CSMD1: variants seen among roughly 807,000 people sequenced by gnomAD.
CSMD1 encodes the protein CUB and Sushi multiple domains 1.
CSMD1 carries 213 observed loss-of-function variants against 417.5 expected under a neutral mutation model. The observed-to-expected ratio is 0.51, with a 90% CI of 0.46 to 0.57. CSMD1 has a LOEUF of 0.57. Ranked by LOEUF, CSMD1 falls within the 20% of genes least tolerant of loss-of-function variation. CSMD1 has a pLI of 0.00. For missense variants in CSMD1, 6,923 were observed against 4,529.7 expected (o/e 1.53, Z -15.17); for synonymous variants, 2,862 against 1,736.8 (o/e 1.65, Z -16.11).
intron 31 of CSMD1, among the ~76,000 whole-genome samples, chr8:3,202,823 A>T (rs375788370): frequency 2.6e-5 from 4 of 152,222 alleles, no homozygotes; most frequent in African/African-American, 7.2e-5. Context: ...CACATATCTA[A>T]TATAACTTGT....
At chr8:4,716,361 G>C (rs1808659627) in intron 1 of CSMD1, among the ~76,000 whole-genome samples, 1 of 152,186 alleles carries the variant, frequency 6.6e-6, no homozygotes, top group Non-Finnish European at 1.5e-5. Context: ...ATGACATCAA[G>C]TGACTGATCA....
chr8:4,635,215 T>A (rs1272710888), intron 2 of CSMD1, among the ~76,000 whole-genome samples: 2 of 152,158 alleles, frequency 1.3e-5, no homozygotes, highest in East Asian at 3.9e-4. Flanking sequence ...GAAAAAAACA[T>A]TCTGTTGTAC....
intron 6 of CSMD1, among the ~76,000 whole-genome samples, chr8:3,728,416 G>A (rs759907012): frequency 6.6e-6 from 1 of 152,188 alleles, no homozygotes; most frequent in African/African-American, 2.4e-5. Context: ...CATGAAAACA[G>A]ACTAATACAA....
chr8:3,539,762 A>AT (rs1491278036), intron 10 of CSMD1, among the ~76,000 whole-genome samples: 2 of 110,304 alleles, frequency 1.8e-5, no homozygotes, highest in African/African-American at 7.4e-5. Context: ...TTTCTTTATG[A>AT]TAAAAAAAAA....
At chr8:3,040,967 C>G (rs1440715613) in intron 50 of CSMD1, among the ~76,000 whole-genome samples, 1 of 151,866 alleles carries the variant, frequency 6.6e-6, no homozygotes, top group Non-Finnish European at 1.5e-5. Context: ...TACAGAAGTT[C>G]CAGTGTCATA....
At chr8:4,305,027 C>T (rs1457387284) in intron 3 of CSMD1, among the ~76,000 whole-genome samples, 3 of 152,154 alleles carry the variant, frequency 2.0e-5, no homozygotes, top group Non-Finnish European at 4.4e-5. Context: ...ACACAGTTCC[C>T]CACGTTAGAG....
At chr8:4,381,284 A>T (rs1378370423) in intron 3 of CSMD1, among the ~76,000 whole-genome samples, 3 of 152,156 alleles carry the variant, frequency 2.0e-5, no homozygotes, top group Non-Finnish European at 4.4e-5. Flanking sequence ...AGCCTTCCAG[A>T]GGTTGGGGAA....
chr8:3,640,002 G>T (rs1022725693), intron 7 of CSMD1, among the ~76,000 whole-genome samples: 4 of 152,156 alleles, frequency 2.6e-5, no homozygotes, highest in Non-Finnish European at 5.9e-5. Context: ...GGATATAGTA[G>T]GTGCTCAATA....
intron 3 of CSMD1, among the ~76,000 whole-genome samples, chr8:4,194,904 T>C (rs1175145489): frequency 6.6e-6 from 1 of 152,106 alleles, no homozygotes; most frequent in African/African-American, 2.4e-5. Flanking sequence ...CTGTTAGTTC[T>C]AATTTAATGG....
intron 3 of CSMD1, among the ~76,000 whole-genome samples, chr8:4,189,492 G>A (rs185689571): frequency 1.3e-5 from 2 of 152,154 alleles, no homozygotes; most frequent in African/African-American, 2.4e-5. Flanking sequence ...GCTAGACAGA[G>A]AGCTATTAAT....
At chr8:4,027,204 G>A (rs890806154) in intron 4 of CSMD1, among the ~76,000 whole-genome samples, 17 of 152,176 alleles carry the variant, frequency 1.1e-4, no homozygotes, top group African/African-American at 3.9e-4. Context: ...AAGCCCTGTT[G>A]AAGGTTTGTA....
intron 3 of CSMD1, among the ~76,000 whole-genome samples, chr8:4,188,613 G>C (rs977362782): frequency 1.3e-5 from 2 of 152,118 alleles, no homozygotes; most frequent in African/African-American, 2.4e-5. Flanking sequence ...TTAAGATTCT[G>C]TGAGTAAGAT....
At chr8:2,968,914 ATTTC>A (rs1804202827) in intron 57 of CSMD1, among the ~76,000 whole-genome samples, 1 of 152,134 alleles carries the variant, frequency 6.6e-6, no homozygotes. Flanking sequence ...CTAAAACATA[ATTTC>A]TTTAACTCAG....
intron 3 of CSMD1, among the ~76,000 whole-genome samples, chr8:4,098,614 G>T (rs1801147057): frequency 6.6e-6 from 1 of 152,094 alleles, no homozygotes; most frequent in Non-Finnish European, 1.5e-5. Context: ...TCAAATAAGT[G>T]AAGGTAGTGA....
At chr8:4,033,441 CA>C (rs1018108093) in intron 3 of CSMD1, among the ~76,000 whole-genome samples, 2 of 151,992 alleles carry the variant, frequency 1.3e-5, no homozygotes, top group African/African-American at 4.8e-5. Context: ...GACTCCGCCT[CA>C]AAAAAACAAA....
chr8:4,303,422 G>GTTTTTTTTTTTTTTTTTTTTTTTTT (rs71511194), intron 3 of CSMD1, among the ~76,000 whole-genome samples: 1 of 85,216 alleles, frequency 1.2e-5, no homozygotes, highest in African/African-American at 4.8e-5. Context: ...GCAGGAAGCT[G>GTTTTTTTTTTTTTTTTTTTTTTTTT]TTTTTTTTTT....
intron 2 of CSMD1, among the ~76,000 whole-genome samples, chr8:4,618,934 T>G (rs2616971): frequency 0.61 from 92,387 of 151,996 alleles, 28,692 homozygotes; most frequent in African/African-American, 0.74. Flanking sequence ...GAAACCACAA[T>G]AACAAATCCA....
In CSMD1 at chr8:3,804,300, T is replaced by C. The variant is rs144565025; in HGVS notation, c.819-50258A>G. On this transcript the variant is annotated intron_variant, in intron 5 of 69. Transcript: ENST00000635120. ...AGGTGCAGAATACTAAAATAAATAA[T>C]TTTTTTTGTGCTGAGACCAGTTGAA... 6.8e-3 allele frequency among the ~76,000 whole-genome samples: 1,032 copies of C among 152,024 alleles called. 10 individuals carry two copies. The highest frequency in any genetic ancestry group is 0.038 in the South Asian group (184 of 4,792).
chr8:3,219,199 A>G (rs1433978792), intron 29 of CSMD1, 56 bp downstream of exon 29: 3 of 1,422,822 alleles, frequency 2.1e-6, no homozygotes, highest in Non-Finnish European at 1.9e-6. Flanking sequence ...AATGCCTACA[A>G]TAAAAACAGT....
Sources: gnomAD v4.1 joint callset for allele counts (sites outside exome capture counted in the v4.1 genomes callset) on GRCh38, gnomAD v4.1.1 for gene constraint, MANE v1.5 for transcripts, NCBI Gene and HGNC (gene_info 2026-07-23, HGNC 2026-07-21) for gene names.